The following NAV3 variants were observed in gnomAD, a reference collection of about 807,000 sequenced individuals.
NAV3 encodes pore membrane and/or filament interacting like protein 1.
NAV3 carries 87 observed loss-of-function variants against 244.7 expected under a neutral mutation model. That is an observed-to-expected ratio of 0.36 (90% CI 0.30 to 0.42). The LOEUF (loss-of-function observed/expected upper bound fraction) is 0.42. NAV3 is among the 20% of genes least tolerant of loss of function. NAV3 has a pLI of 1.00. For missense variants in NAV3, 2,663 were observed against 2,893.3 expected (o/e 0.92, Z 1.83); for synonymous variants, 1,126 against 1,042.2 (o/e 1.08, Z -1.55).
chr12:77,791,985 C>T (rs1349332932), intron 2 of NAV3, among the ~76,000 whole-genome samples: 1 of 152,096 alleles, frequency 6.6e-6, no homozygotes, highest in Non-Finnish European at 1.5e-5. Flanking sequence ...TGGGGGAGTT[C>T]CAGAACCAAT....
chr12:78,137,744 AC>A (rs1288596329), intron 19 of NAV3, among the ~76,000 whole-genome samples: 1 of 152,190 alleles, frequency 6.6e-6, no homozygotes, highest in Non-Finnish European at 1.5e-5. Flanking sequence ...TGAAAATACC[AC>A]ATGTTGCTGA....
chr12:77,657,089 G>T (rs1317709484), intron 2 of NAV3, among the ~76,000 whole-genome samples: 5 of 151,682 alleles, frequency 3.3e-5, no homozygotes, highest in Non-Finnish European at 7.4e-5. Flanking sequence ...GCTAGCAGGG[G>T]CAGAAATAAC....
chr12:77,680,099 AAGTT>A (rs1263076167), intron 2 of NAV3, among the ~76,000 whole-genome samples: 1 of 152,164 alleles, frequency 6.6e-6, no homozygotes, highest in Non-Finnish European at 1.5e-5. Flanking sequence ...GGGAGGAAGA[AAGTT>A]AGAAGGCACA....
intron 2 of NAV3, among the ~76,000 whole-genome samples, chr12:77,689,219 G>C (rs1003805627): frequency 3.3e-5 from 5 of 151,820 alleles, no homozygotes; most frequent in African/African-American, 1.2e-4. Flanking sequence ...CTCATGTCTT[G>C]AACATCTGCT....
At chr12:77,618,870 G>C (rs1436244404) in intron 2 of NAV3, among the ~76,000 whole-genome samples, 1 of 152,210 alleles carries the variant, frequency 6.6e-6, no homozygotes, top group African/African-American at 2.4e-5. Flanking sequence ...TAAATGGATT[G>C]TCAGTAGCCT....
intron 2 of NAV3, among the ~76,000 whole-genome samples, chr12:77,642,328 G>A (rs116938923): frequency 0.011 from 1,720 of 152,044 alleles, 16 homozygotes; most frequent in Non-Finnish European, 0.019. Flanking sequence ...TGGCAATAAT[G>A]AAGAATATTG....
chr12:77,811,927 A>G (rs1292752510), intron 2 of NAV3, among the ~76,000 whole-genome samples: 1 of 152,224 alleles, frequency 6.6e-6, no homozygotes, highest in African/African-American at 2.4e-5. Context: ...ATCACCTTAA[A>G]AGGTAACCTG....
In NAV3 at chr12:78,185,649, G is replaced by A. The variant is rs757028730; in HGVS notation, c.5741G>A (p.Arg1914His). 60 of 1,608,316 alleles carry A rather than the reference G, an allele frequency of 3.7e-5. No homozygotes were observed. In the South Asian group the frequency reaches 5.2e-4, roughly 14 times the overall value. The part of the protein sequence containing the change: ...AGDATGHKDG[R>H]SVKIIVSISK... ...GATGCAACTGGACATAAAGATGGCC[G>A]CAGTGTGAAAATTATAGTCTCCATA... is the stretch of plus-strand genomic sequence containing the variant. The change falls in exon 31 of 40, where the codon CGC (arginine) becomes CAC (histidine). Residue 1914 changes from arginine to histidine, a missense_variant. Physicochemically the swap from Arg to His is conservative, Grantham distance 29 (BLOSUM62 0). This residue lies in a region of NAV3 where 543 missense variants were observed against 672.4 expected (regional missense o/e 0.81). Coordinates refer to ENST00000397909, the MANE Select transcript of NAV3 (RefSeq NM_001024383.2).
At chr12:77,824,087 T>G (rs183735614) in intron 2 of NAV3, among the ~76,000 whole-genome samples, 2 of 151,950 alleles carry the variant, frequency 1.3e-5, no homozygotes, top group African/African-American at 4.8e-5. Context: ...AGAGTAAATT[T>G]TTTTTTAGAC....
At chr12:78,122,534 C>A in intron 16 of NAV3, 106 bp downstream of exon 16, 1 of 1,354,928 alleles carries the variant, frequency 7.4e-7, no homozygotes, top group Non-Finnish European at 9.9e-7. Flanking sequence ...TGCCCCGGTG[C>A]AAAAAGATGT....
intron 1 of NAV3, among the ~76,000 whole-genome samples, chr12:77,898,048 T>C (rs1565900571): frequency 6.6e-6 from 1 of 152,226 alleles, no homozygotes; most frequent in Non-Finnish European, 1.5e-5. Flanking sequence ...ATTTGTTTCT[T>C]ATAACCATTA....
intron 2 of NAV3, among the ~76,000 whole-genome samples, chr12:77,712,618 T>A (rs1167234121): frequency 6.6e-6 from 1 of 152,182 alleles, no homozygotes; most frequent in African/African-American, 2.4e-5. Flanking sequence ...GTTCTTATAG[T>A]CTCTTGTTTT....
intron 16 of NAV3, among the ~76,000 whole-genome samples, chr12:78,123,201 A>G (rs962192390): frequency 6.6e-6 from 1 of 152,068 alleles, no homozygotes; most frequent in African/African-American, 2.4e-5. Flanking sequence ...TCTTAAAACC[A>G]CTTCTTTTTC....
chr12:77,822,437 C>G (rs1283612499), intron 2 of NAV3, among the ~76,000 whole-genome samples: 1 of 152,162 alleles, frequency 6.6e-6, no homozygotes, highest in Non-Finnish European at 1.5e-5. Context: ...CACAAATACA[C>G]TGTATGAGCA....
chr12:77,732,110 C>G (rs1328543741), intron 2 of NAV3, among the ~76,000 whole-genome samples: 1 of 151,974 alleles, frequency 6.6e-6, no homozygotes, highest in Non-Finnish European at 1.5e-5. Context: ...GAGGTTGCTG[C>G]TAATTTATGT....
intron 2 of NAV3, among the ~76,000 whole-genome samples, chr12:77,670,008 A>G (rs982863597): frequency 2.6e-5 from 4 of 152,160 alleles, no homozygotes; most frequent in African/African-American, 9.6e-5. Flanking sequence ...AATGAAACAA[A>G]AAGCTGGTTC....
At chr12:77,690,666 G>T (rs527772776) in intron 2 of NAV3, among the ~76,000 whole-genome samples, 53 of 59,084 alleles carry the variant, frequency 9.0e-4, no homozygotes, top group African/African-American at 3.3e-3. Flanking sequence ...AGTTATTAAT[G>T]ATTTTCTAGA....
intron 1 of NAV3, among the ~76,000 whole-genome samples, chr12:77,909,730 T>C (rs1160137758): frequency 6.6e-6 from 1 of 152,078 alleles, no homozygotes; most frequent in Non-Finnish European, 1.5e-5. Context: ...GGATGCTTTA[T>C]ATAAAATATA....
intron 6 of NAV3, among the ~76,000 whole-genome samples, chr12:77,996,921 T>C (rs539141569): frequency 1.6e-4 from 25 of 152,282 alleles, no homozygotes; most frequent in Admixed American, 1.4e-3. Flanking sequence ...TTCAATATCA[T>C]ATTTTCTAAA....
Sources: gnomAD v4.1 joint callset for allele counts (sites outside exome capture counted in the v4.1 genomes callset) on GRCh38, gnomAD v4.1.1 for gene constraint, gnomAD v4.1.1 regional missense constraint, MANE v1.5 for transcripts, NCBI Gene and HGNC (gene_info 2026-07-23, HGNC 2026-07-21) for gene names.